ZNF655: variants seen among roughly 807,000 people sequenced by gnomAD.
ZNF655 encodes zinc finger protein 655, also known as Vav-interacting Kruppel-like protein 1.
In ZNF655, 3 loss-of-function variants were observed where a neutral mutation model predicts 6.6. That is an observed-to-expected ratio of 0.46 (90% CI 0.21 to 1.18). The LOEUF is 1.18. ZNF655 is among the 50% of genes most tolerant of loss of function. ZNF655 has a pLI of 0.24. For missense variants in ZNF655, 526 were observed against 572.3 expected, an observed-to-expected ratio of 0.92 and a Z score of 0.83; for synonymous variants, 178 against 195.0, an observed-to-expected ratio of 0.91 and a Z score of 0.73.
At position 99,576,072 on chromosome 7, in the gene ZNF655, A is replaced by G. The variant is rs1156386314; in HGVS notation, c.*2488A>G. 1 of 152,224 alleles carries G rather than the reference A, an allele frequency of 6.6e-6. No homozygotes were observed. Among genetic ancestry groups the G allele is most frequent in the Non-Finnish European group, 1.5e-5 (1 of 68,036 alleles). The allele number at this position is 152,224 out of a possible 1,614,324, so 9.4% of individuals were successfully genotyped here. On this transcript the variant is annotated 3_prime_UTR_variant, in exon 3 of 3. Transcript: ENST00000252713. Reference sequence around the variant, plus strand: ...ATAGTTCAGTGTTATAATATTCAGTAGGGACCCTCAACAAATATATAAAAA... The same window carrying G: ...ATAGTTCAGTGTTATAATATTCAGTGGGGACCCTCAACAAATATATAAAAA...
At chr7:99,561,703 G>A (rs750177897) in intron 2 of ZNF655, among the ~76,000 whole-genome samples, 12 of 152,186 alleles carry the variant, frequency 7.9e-5, no homozygotes, top group East Asian at 1.9e-4. Context: ...GTCAAAACAC[G>A]CATAAGGCAT....
At chr7:99,567,313 C>T (rs1249437582) in intron 2 of ZNF655, among the ~76,000 whole-genome samples, 1 of 152,146 alleles carries the variant, frequency 6.6e-6, no homozygotes, top group Admixed American at 6.5e-5. Flanking sequence ...GCAGGCGGAT[C>T]ACCTGAGGTT....
intron 2 of ZNF655, chr7:99,571,475 C>A: frequency 7.8e-7 from 1 of 1,282,402 alleles, no homozygotes; most frequent in East Asian, 3.4e-5. Flanking sequence ...CCTTCTGCTC[C>A]CAAGTCATCA....
chr7:99,561,630 G>T (rs1411084450), intron 2 of ZNF655, among the ~76,000 whole-genome samples: 1 of 152,158 alleles, frequency 6.6e-6, no homozygotes, highest in African/African-American at 2.4e-5. Context: ...TTCTGTAAGA[G>T]GACTGTCATG....
chr7:99,573,473 A>G lies in ZNF655; in HGVS notation c.1365A>G (p.Gln455=), dbSNP rs745852082. 1.9e-5 allele frequency: 30 copies of G among 1,613,692 alleles called. No homozygotes were observed. Among genetic ancestry groups the G allele is most frequent in the Non-Finnish European group, 2.3e-5 (27 of 1,180,030 alleles). ...ATAGCTCAGATCTTATCCTGCAACA[A>G]GAAGTCCTCACCAGACAGAAAGCCT... The part of the protein sequence containing the change: ...FSHSSDLILQ[Q]EVLTRQKAFD... Residue 455 remains glutamine (Q), a synonymous_variant, in exon 3 of 3, where the codon CAA becomes CAG. Coordinates refer to ENST00000252713, the MANE Select transcript of ZNF655 (RefSeq NM_138494.3).
At chr7:99,571,836 T>C in intron 2 of ZNF655, 1 of 1,406,710 alleles carries the variant, frequency 7.1e-7, no homozygotes, top group Non-Finnish European at 9.8e-7. Context: ...GAAGTAAAGT[T>C]CAATTGTTGA....
chr7:99,566,021 A>ATGTGTGTGTGTGTGTGTGTG (rs34698828), intron 2 of ZNF655, among the ~76,000 whole-genome samples: 4 of 149,864 alleles, frequency 2.7e-5, no homozygotes, highest in African/African-American at 9.9e-5. Context: ...GGACATTTAT[A>ATGTGTGTGTGTGTGTGTGTG]TGTGTGTGTG....
At chr7:99,569,580 G>A (rs112573152) in intron 2 of ZNF655, among the ~76,000 whole-genome samples, 5 of 152,104 alleles carry the variant, frequency 3.3e-5, no homozygotes, top group African/African-American at 1.2e-4. Context: ...TAACCACTCT[G>A]AATCTTAGTA....
chr7:99,559,692 G>A (rs1485843544), intron 1 of ZNF655, among the ~76,000 whole-genome samples: 2 of 152,010 alleles, frequency 1.3e-5, no homozygotes, highest in Non-Finnish European at 2.9e-5. Context: ...CAGTGGCGCA[G>A]TCATAGCTCA....
chr7:99,560,088 C>CTTTTTTTTT (rs201559591), intron 1 of ZNF655, among the ~76,000 whole-genome samples: 2 of 136,882 alleles, frequency 1.5e-5, no homozygotes, highest in Non-Finnish European at 3.2e-5. Flanking sequence ...TCTTTTTTTT[C>CTTTTTTTTT]TTTTTTTTTT....
At chr7:99,568,840 A>G (rs1056645698) in intron 2 of ZNF655, among the ~76,000 whole-genome samples, 1 of 151,986 alleles carries the variant, frequency 6.6e-6, no homozygotes, top group Non-Finnish European at 1.5e-5. Context: ...GCTGGAGTAC[A>G]GTGGTGTGAT....
chr7:99,563,051 G>A (rs187104233), intron 2 of ZNF655: 6 of 287,984 alleles, frequency 2.1e-5, no homozygotes, highest in Non-Finnish European at 3.7e-5. Context: ...ATGACTCACT[G>A]TGAGTACATT....
At chr7:99,566,405 G>T (rs1300921886) in intron 2 of ZNF655, among the ~76,000 whole-genome samples, 2 of 152,026 alleles carry the variant, frequency 1.3e-5, no homozygotes, top group Non-Finnish European at 2.9e-5. Context: ...AACTCTCTAG[G>T]GACACATTCC....
rs1214151991 is a variant in ZNF655, at chr7:99,574,697, G to A, written c.*1113G>A. The stretch of plus-strand genomic sequence containing the variant: ...CACATCGACGTAAGTAGCTCATTTA[G>A]CTTTTTCTGCTGTTCTTGGCCCAAG... On this transcript the variant is annotated 3_prime_UTR_variant, in exon 3 of 3. Transcript: ENST00000252713. The A allele has an allele frequency of 6.6e-6, 1 of 152,206 alleles. No individual in the cohort carries two copies. Among genetic ancestry groups the A allele is most frequent in the Admixed American group, 6.5e-5 (1 of 15,280 alleles). 9.4% of individuals were successfully genotyped at this position (152,206 alleles called of 1,614,324 possible).
In ZNF655 at chr7:99,560,631, T is replaced by C. The variant is rs1194590291; in HGVS notation, c.72T>C (p.Ser24=). Residue 24 remains serine (S), a synonymous_variant, in exon 2 of 3, where the codon TCT becomes TCC. Coordinates refer to ENST00000252713, the MANE Select transcript of ZNF655 (RefSeq NM_138494.3). ...RVQFQSLETQ[S]ECLSPEPQFV... is the part of the protein sequence containing the mutation. ...AGTTTCAGTCTTTGGAGACCCAGTC[T>C]GAGTGTCTGTCCCCAGAGCCTCAGT... 4 of 1,614,202 alleles carry C rather than the reference T, an allele frequency of 2.5e-6. No individual in the cohort carries two copies. In the Admixed American group the frequency reaches 6.7e-5, roughly 27 times the overall value.
At position 99,574,776 on chromosome 7, in the gene ZNF655, A is replaced by G. The variant is rs1424805990; in HGVS notation, c.*1192A>G. The G allele has an allele frequency of 6.6e-6, 1 of 152,144 alleles. No homozygotes were observed. Among genetic ancestry groups the G allele is most frequent in the Non-Finnish European group, 1.5e-5 (1 of 68,026 alleles). 9.4% of individuals were successfully genotyped at this position (152,144 alleles called of 1,614,324 possible). ...CTCTTTACTAGGGATCTTATGTCGT[A>G]TTGCTTTACAGCCACAACACTTGGA... On this transcript the variant is annotated 3_prime_UTR_variant, in exon 3 of 3. Transcript: ENST00000252713.
chr7:99,564,791 A>C, intron 2 of ZNF655: 1 of 823,684 alleles, frequency 1.2e-6, no homozygotes, highest in Non-Finnish European at 1.5e-6. Context: ...ACTTTATCCC[A>C]TTTCCTCTCT....
chr7:99,571,360 A>C (rs1246514309), intron 2 of ZNF655: 6 of 1,256,368 alleles, frequency 4.8e-6, no homozygotes, highest in Non-Finnish European at 5.1e-6. Flanking sequence ...ACCAGATCTA[A>C]TCCGAAGATT....
Position 99,572,721 on chromosome 7 carries a change from A to C in ZNF655, c.613A>C (p.Ile205Leu), listed in dbSNP as rs1804177930. ...DLSHLNKWESIPNTEKSYKCD... is the reference protein window; with the variant it reads ...DLSHLNKWESLPNTEKSYKCD... ...CTCCCACCTTAATAAATGGGAGAGC[A>C]TCCCTAACACTGAGAAATCCTATAA... Residue 205 changes from isoleucine (I) to leucine (L), a missense_variant, in exon 3 of 3, where the codon ATC becomes CTC. Coordinates refer to ENST00000252713, the MANE Select transcript of ZNF655 (RefSeq NM_138494.3). The C allele has an allele frequency of 6.2e-7, 1 of 1,613,272 alleles. No individual in the cohort carries two copies.
Sources: allele counts gnomAD v4.1 joint callset (sites outside exome capture counted in the v4.1 genomes callset), GRCh38; gene constraint gnomAD v4.1.1; transcripts MANE v1.5; gene names NCBI Gene and HGNC (gene_info 2026-07-23, HGNC 2026-07-21).